BST1: variants seen among roughly 807,000 people sequenced by gnomAD.
BST1 encodes ADP-ribosyl cyclase/cyclic ADP-ribose hydrolase 2.
In BST1, 49 loss-of-function variants were observed where a neutral mutation model predicts 40.6. The ratio of observed to expected loss-of-function variants is 1.21; its 90% CI spans 0.96 to 1.53. The LOEUF is 1.53. Ranked by LOEUF, BST1 falls within the 40% of genes most tolerant of loss-of-function variation. BST1 has a pLI of 0.00. For missense variants in BST1, 423 were observed against 395.9 expected (o/e 1.07, Z -0.58); for synonymous variants, 157 against 159.3 (o/e 0.99, Z 0.11).
At chr4:15,709,842 C>T (rs375154889) in intron 3 of BST1, among the ~76,000 whole-genome samples, 1 of 151,942 alleles carries the variant, frequency 6.6e-6, no homozygotes, top group African/African-American at 2.4e-5. Flanking sequence ...TGGTATGAGG[C>T]TATTCAAATA....
At chr4:15,739,151 G>C (rs1230580351), downstream of BST1, among the ~76,000 whole-genome samples, 1 of 152,182 alleles carries the variant, frequency 6.6e-6, no homozygotes, top group African/African-American at 2.4e-5. Flanking sequence ...CTGAGACTGG[G>C]AGCTTGTTTT....
rs1284970060 is a variant in BST1, at chr4:15,732,469, CA to C, written c.*625del. The C allele has an allele frequency of 6.6e-6, 1 of 152,198 alleles. No homozygotes were observed. The highest frequency in any genetic ancestry group is 1.5e-5 in the Non-Finnish European group (1 of 68,062). The allele number at this position is 152,198 out of a possible 1,614,324, so 9.4% of individuals were successfully genotyped here. A position where few individuals can be genotyped will look rare whatever the true frequency, so the allele number is the denominator to read the frequency against. On this transcript the variant is annotated 3_prime_UTR_variant, in exon 9 of 9. Coordinates refer to ENST00000265016, the MANE Select transcript of BST1 (RefSeq NM_004334.3). ...AGTAGCTGGGATTGCAGGTGCCTGC[CA>C]CCATGTCCAGCTAATTTTTGTATTT...
the BST1 span, among the ~76,000 whole-genome samples, chr4:15,756,531 G>C: frequency 6.6e-6 from 1 of 152,180 alleles, no homozygotes; most frequent in Non-Finnish European, 1.5e-5. Flanking sequence ...TTAGTTGAGA[G>C]TGTGTTTGAT....
chr4:15,715,254 A>T (rs373445067), intron 4 of BST1, 31 bp from the exon 5 acceptor site: 64 of 1,599,278 alleles, frequency 4.0e-5, no homozygotes, highest in Non-Finnish European at 5.2e-5. Context: ...TCACGTCTTT[A>T]TTTGCTAAAA....
chr4:15,751,712 A>G, the BST1 span, among the ~76,000 whole-genome samples: 6 of 152,082 alleles, frequency 3.9e-5, no homozygotes, highest in African/African-American at 1.4e-4. Context: ...GATATAATGT[A>G]TACATCCACA....
Position 15,715,316 on chromosome 4 carries a change from T to A in BST1, c.566T>A (p.Val189Asp). Residue 189 changes from valine (V) to aspartate (D), a missense_variant, in exon 5 of 9, where the codon GTC becomes GAC. Transcript: ENST00000265016. ...YSKDSSGVIH[V>D]MLNGSEPTGA... ...AAGGATAGTTCTGGGGTGATCCACGTCATGCTGAATGGTTCAGAGCCAACA... is the reference window on the plus strand; with the variant it reads ...AAGGATAGTTCTGGGGTGATCCACGACATGCTGAATGGTTCAGAGCCAACA... 6.2e-7 allele frequency: 1 copy of A among 1,614,170 alleles called. No homozygotes were observed. The highest frequency in any genetic ancestry group is 8.5e-7 in the Non-Finnish European group (1 of 1,180,004).
the BST1 span, among the ~76,000 whole-genome samples, chr4:15,763,915 G>A: frequency 6.6e-6 from 1 of 152,064 alleles, no homozygotes; most frequent in Admixed American, 6.5e-5. Context: ...GTTGTCTGAG[G>A]TTGAAGAGAG....
chr4:15,748,785 G>A, the BST1 span, among the ~76,000 whole-genome samples: 2 of 152,192 alleles, frequency 1.3e-5, no homozygotes, highest in African/African-American at 4.8e-5. Flanking sequence ...AGCACATGAT[G>A]GTAGTGGAAA....
At chr4:15,762,241 A>G in the BST1 span, among the ~76,000 whole-genome samples, 1 of 150,574 alleles carries the variant, frequency 6.6e-6, no homozygotes, top group Admixed American at 6.6e-5. Flanking sequence ...ATTCAAAACC[A>G]TGCATACATA....
At chr4:15,711,622 G>C (rs987427799) in intron 3 of BST1, among the ~76,000 whole-genome samples, 185 bp from the exon 4 acceptor site, 2 of 152,204 alleles carry the variant, frequency 1.3e-5, no homozygotes, top group African/African-American at 2.4e-5. Flanking sequence ...TAGTATCATG[G>C]ACAAGGTGGT....
At chr4:15,740,147 A>G (rs1329815867), downstream of BST1, among the ~76,000 whole-genome samples, 5 of 152,134 alleles carry the variant, frequency 3.3e-5, no homozygotes, top group Admixed American at 6.5e-5. Flanking sequence ...TCTGCCTCCC[A>G]GGTTCAAGTG....
chr4:15,712,591 C>G (rs1720276397), intron 4 of BST1, among the ~76,000 whole-genome samples: 1 of 152,202 alleles, frequency 6.6e-6, no homozygotes. Flanking sequence ...CGCCAACCCC[C>G]TTTCAGGACT....
chr4:15,712,258 A>C (rs1720257871), intron 4 of BST1, among the ~76,000 whole-genome samples: 1 of 152,228 alleles, frequency 6.6e-6, no homozygotes. Flanking sequence ...GCTGGAGATC[A>C]ATTTGTGGGG....
downstream of BST1, among the ~76,000 whole-genome samples, chr4:15,740,247 G>A (rs1394997421): frequency 6.6e-6 from 1 of 152,146 alleles, no homozygotes; most frequent in Non-Finnish European, 1.5e-5. Flanking sequence ...TGCTAGAGAC[G>A]GGGTTTTGCC....
intron 8 of BST1, among the ~76,000 whole-genome samples, chr4:15,729,989 GA>G (rs1161590268): frequency 1.3e-5 from 2 of 152,180 alleles, no homozygotes; most frequent in African/African-American, 4.8e-5. Flanking sequence ...AAAAAGTAAA[GA>G]AAAATGTAAC....
At chr4:15,753,822 C>T in the BST1 span, among the ~76,000 whole-genome samples, 1 of 152,162 alleles carries the variant, frequency 6.6e-6, no homozygotes, top group Non-Finnish European at 1.5e-5. Context: ...CAGAGATGCA[C>T]CAAGGCCTCA....
At chr4:15,728,729 T>A (rs916231407) in intron 8 of BST1, among the ~76,000 whole-genome samples, 4 of 147,488 alleles carry the variant, frequency 2.7e-5, no homozygotes, top group African/African-American at 1.0e-4. Flanking sequence ...CACTGCAGCC[T>A]CCACCTCCTG....
rs1721393147 is a variant in BST1, at chr4:15,731,931, T to A, written c.*86T>A. 5 of 1,441,258 alleles carry A rather than the reference T, an allele frequency of 3.5e-6. No homozygotes were observed. In the South Asian group the frequency reaches 7.5e-5, roughly 22 times the overall value. 89.3% of individuals were successfully genotyped at this position (1,441,258 alleles called of 1,614,324 possible). ...TCGTGTTCTGTGTATACCAAATGAT[T>A]CTGTTATCTAAAGAAGCTTTTTGCT... On this transcript the variant is annotated 3_prime_UTR_variant, in exon 9 of 9. Coordinates refer to ENST00000265016, the MANE Select transcript of BST1 (RefSeq NM_004334.3).
At chr4:15,721,670 G>C (rs183805887) in intron 7 of BST1, among the ~76,000 whole-genome samples, 6 of 141,286 alleles carry the variant, frequency 4.2e-5, no homozygotes, top group Non-Finnish European at 6.2e-5. Context: ...GTAGGGGGAG[G>C]GGGGAGGGAT....
Sources: gnomAD v4.1 joint callset for allele counts (sites outside exome capture counted in the v4.1 genomes callset) on GRCh38, gnomAD v4.1.1 for gene constraint, MANE v1.5 for transcripts, NCBI Gene and HGNC (gene_info 2026-07-23, HGNC 2026-07-21) for gene names.